The following RBMS3 variants were observed in gnomAD, a reference collection of about 807,000 sequenced individuals.
RBMS3 encodes the protein RNA binding motif single stranded interacting protein 3.
Under a neutral mutation model 66.8 loss-of-function variants are expected in RBMS3, and 27 were observed. That is an observed-to-expected ratio of 0.40 (90% CI 0.30 to 0.56). The LOEUF is 0.56. Among genes scored for constraint, RBMS3 ranks in the 20% least tolerant of loss-of-function variants. The pLI, the probability that RBMS3 is intolerant of heterozygous loss-of-function variation, is 0.40. For missense variants in RBMS3, 513 were observed against 549.5 expected (o/e 0.93, Z 0.66); for synonymous variants, 188 against 183.0 (o/e 1.03, Z -0.22).
intron 2 of RBMS3, among the ~76,000 whole-genome samples, chr3:29,446,751 T>C (rs2041845830): frequency 6.6e-6 from 1 of 152,160 alleles, no homozygotes; most frequent in South Asian, 2.1e-4. Context: ...ATAGTCAACA[T>C]GTGTCTATCA....
At chr3:29,764,655 G>A (rs1250261696) in intron 6 of RBMS3, among the ~76,000 whole-genome samples, 4 of 152,138 alleles carry the variant, frequency 2.6e-5, no homozygotes, top group South Asian at 2.1e-4. Context: ...TCAAAAAGAC[G>A]TATTGAAAGC....
At chr3:29,916,126 A>G (rs932383276) in intron 10 of RBMS3, among the ~76,000 whole-genome samples, 2 of 152,034 alleles carry the variant, frequency 1.3e-5, no homozygotes, top group African/African-American at 4.8e-5. Context: ...GTCCTAGAAA[A>G]TGAAATAAAT....
In RBMS3 at chr3:30,005,024, T is replaced by C. The variant is rs1699765863; in HGVS notation, c.*1162T>C. 6.6e-6 allele frequency: 1 copy of C among 151,820 alleles called. No homozygotes were observed. The highest frequency in any genetic ancestry group is 2.4e-5 in the African/African-American group (1 of 41,310). The allele number at this position is 151,820 out of a possible 1,614,324, so 9.4% of individuals were successfully genotyped here. On this transcript the variant is annotated 3_prime_UTR_variant, in exon 15 of 15. Transcript: ENST00000383767. ...GTTGTGATCAAATTCAGCCTATGGA[T>C]GGCCTATTTTATACCAAAGATGAAG...
chr3:29,409,930 C>T (rs189574040), intron 1 of RBMS3, among the ~76,000 whole-genome samples: 7 of 152,044 alleles, frequency 4.6e-5, no homozygotes, highest in East Asian at 3.9e-4. Flanking sequence ...TATTGGATTG[C>T]AGAAAAGTTG....
At chr3:29,482,701 C>CTTTTTTTTTTTTTTTT (rs755520785) in intron 2 of RBMS3, among the ~76,000 whole-genome samples, 47 of 77,506 alleles carry the variant, frequency 6.1e-4, no homozygotes, top group Non-Finnish European at 7.5e-4. Context: ...TTCTTTCTTT[C>CTTTTTTTTTTTTTTTT]TTTTTTTTTT....
intron 1 of RBMS3, among the ~76,000 whole-genome samples, chr3:29,351,163 A>G (rs1048913519): frequency 6.6e-6 from 1 of 152,066 alleles, no homozygotes; most frequent in African/African-American, 2.4e-5. Context: ...GCTGTAGTTA[A>G]TTAGTCCACT....
chr3:29,901,527 T>A (rs1446809495), intron 10 of RBMS3, among the ~76,000 whole-genome samples: 1 of 151,816 alleles, frequency 6.6e-6, no homozygotes, highest in Non-Finnish European at 1.5e-5. Flanking sequence ...TTATTTCAGC[T>A]GTCACTCAGG....
chr3:29,798,928 G>GGTTT (rs1169642451), intron 6 of RBMS3, among the ~76,000 whole-genome samples: 53 of 102,266 alleles, frequency 5.2e-4, no homozygotes, highest in African/African-American at 2.0e-3. Flanking sequence ...TGTACCCTCT[G>GGTTT]GTTTTTTTTT....
intron 1 of RBMS3, among the ~76,000 whole-genome samples, chr3:29,283,043 C>T (rs1377646422): frequency 6.6e-6 from 1 of 152,118 alleles, no homozygotes; most frequent in Non-Finnish European, 1.5e-5. Context: ...TAGACTAGCC[C>T]TCCTGCTCGG....
intron 1 of RBMS3, among the ~76,000 whole-genome samples, chr3:29,334,848 TCAGA>T (rs1439619133): frequency 6.6e-6 from 1 of 152,200 alleles, no homozygotes; most frequent in East Asian, 1.9e-4. Context: ...TGCAAAGCTG[TCAGA>T]CAGATTGAGT....
chr3:29,757,542 C>T (rs999617458), intron 5 of RBMS3, among the ~76,000 whole-genome samples: 6 of 152,192 alleles, frequency 3.9e-5, no homozygotes, highest in Non-Finnish European at 8.8e-5. Flanking sequence ...ACTGAAATCA[C>T]CTGGGTAGCT....
chr3:29,582,236 G>A (rs1454867839), intron 3 of RBMS3, among the ~76,000 whole-genome samples: 1 of 152,070 alleles, frequency 6.6e-6, no homozygotes, highest in Non-Finnish European at 1.5e-5. Context: ...ACAGTCACCA[G>A]GCTTGTAGTG....
intron 5 of RBMS3, among the ~76,000 whole-genome samples, chr3:29,750,352 C>A (rs1176922952): frequency 6.6e-6 from 1 of 152,048 alleles, no homozygotes; most frequent in Non-Finnish European, 1.5e-5. Flanking sequence ...CGATAATTGT[C>A]TGTGGATGAC....
chr3:29,772,753 A>G (rs1435318057), intron 6 of RBMS3, among the ~76,000 whole-genome samples: 1 of 152,064 alleles, frequency 6.6e-6, no homozygotes, highest in Non-Finnish European at 1.5e-5. Context: ...AGCTGACTAA[A>G]GTAAGGCCAA....
intron 6 of RBMS3, among the ~76,000 whole-genome samples, chr3:29,771,543 T>C (rs1441251008): frequency 1.3e-5 from 2 of 151,972 alleles, no homozygotes; most frequent in Admixed American, 1.3e-4. Flanking sequence ...AAAAGAGTAA[T>C]TAAGGTTACA....
Position 29,579,948 on chromosome 3 carries a change from G to T in RBMS3, c.308-7166G>T, listed in dbSNP as rs867070008. Among the ~76,000 whole-genome samples the T allele has an allele frequency of 2.6e-5, 4 of 152,276 alleles. 1 individual carries two copies. In the South Asian group the frequency reaches 8.3e-4, roughly 32 times the overall value. On this transcript the variant is annotated intron_variant, in intron 3 of 14. Transcript: ENST00000383767. ...TCATTTTGACTTTATTCAGTATAAA[G>T]AAGCAATTTCTCTCATTTAAAAATC...
chr3:29,312,378 A>T (rs536128944), intron 1 of RBMS3, among the ~76,000 whole-genome samples: 2 of 151,866 alleles, frequency 1.3e-5, no homozygotes, highest in East Asian at 3.9e-4. Flanking sequence ...AACTGCTCTC[A>T]ACCTGACAAG....
intron 1 of RBMS3, among the ~76,000 whole-genome samples, chr3:29,426,614 A>G (rs940622812): frequency 2.1e-4 from 32 of 152,242 alleles, no homozygotes; most frequent in South Asian, 2.1e-4. Flanking sequence ...CCAATTAGCC[A>G]TCCCATCCAC....
At chr3:29,730,345 G>C (rs2054078565) in intron 4 of RBMS3, among the ~76,000 whole-genome samples, 1 of 151,646 alleles carries the variant, frequency 6.6e-6, no homozygotes, top group East Asian at 1.9e-4. Context: ...AATGAGAATG[G>C]TTGTCTTTGA....
Sources: gnomAD v4.1 joint callset for allele counts (sites outside exome capture counted in the v4.1 genomes callset) on GRCh38, gnomAD v4.1.1 for gene constraint, MANE v1.5 for transcripts, NCBI Gene and HGNC (gene_info 2026-07-23, HGNC 2026-07-21) for gene names.